The following INTU variants were observed in gnomAD, a reference collection of about 807,000 sequenced individuals.
INTU encodes protein inturned.
A neutral mutation model predicts 100.5 loss-of-function variants in INTU; 68 were observed. The observed-to-expected ratio is 0.68, with a 90% CI of 0.56 to 0.83. The LOEUF (loss-of-function observed/expected upper bound fraction) is 0.83. Ranked by LOEUF, INTU falls within the 40% of genes least tolerant of loss-of-function variation. INTU has a pLI of 0.00. For missense variants in INTU, 1,071 were observed against 1,114.7 expected, an observed-to-expected ratio of 0.96 and a Z score of 0.56; for synonymous variants, 357 against 395.7, an observed-to-expected ratio of 0.90 and a Z score of 1.16.
chr4:127,705,927 A>C, intron 11 of INTU, 115 bp downstream of exon 11: 1 of 718,170 alleles, frequency 1.4e-6, no homozygotes. Context: ...TGTCTAAATA[A>C]ATACACAAAC....
chr4:127,689,702 G>T (rs575866385), intron 8 of INTU, among the ~76,000 whole-genome samples: 1 of 151,702 alleles, frequency 6.6e-6, no homozygotes, highest in Non-Finnish European at 1.5e-5. Flanking sequence ...AGGGAAAAGG[G>T]AAGAGAAAAG....
At chr4:127,710,721 C>T (rs192398112) in intron 13 of INTU, among the ~76,000 whole-genome samples, 192 bp from the exon 14 acceptor site, 5 of 152,242 alleles carry the variant, frequency 3.3e-5, no homozygotes, top group Non-Finnish European at 5.9e-5. Flanking sequence ...GAATTAATAA[C>T]CCTAGCTTGT....
Position 127,719,793 on chromosome 4 carries a change from T to A in INTU, c.*3357T>A, listed in dbSNP as rs1731319431. The A allele has an allele frequency of 6.6e-6, 1 of 152,202 alleles. No homozygotes were observed. Among genetic ancestry groups the A allele is most frequent in the Non-Finnish European group, 1.5e-5 (1 of 68,038 alleles). 9.4% of individuals were successfully genotyped at this position (152,202 alleles called of 1,614,324 possible). The stretch of plus-strand genomic sequence containing the variant: ...ACCGAGCTGTTATAGTATTGTCTGA[T>A]GGTTGTTTATATTTCCATGGGATCA... On this transcript the variant is annotated 3_prime_UTR_variant, in exon 16 of 16. Coordinates refer to ENST00000335251, the MANE Select transcript of INTU (RefSeq NM_015693.4).
Position 127,674,130 on chromosome 4 carries a change from C to A in INTU, c.1098C>A (p.Ser366=). 1 of 1,604,544 alleles carries A rather than the reference C, an allele frequency of 6.2e-7. No individual in the cohort carries two copies. Reference sequence around the variant, plus strand: ...TGAATATATTGTTTCTTAGTTCATCCCTCCTTTTAAATGGAAAACAAATTC... The same window carrying A: ...TGAATATATTGTTTCTTAGTTCATCACTCCTTTTAAATGGAAAACAAATTC... ...NVTGTQVTSS[S]LLLNGKQIHV... is the part of the protein sequence containing the mutation. The change falls in exon 6 of 16, where the codon TCC becomes TCA. Residue 366 remains serine, a synonymous_variant. Coordinates refer to ENST00000335251, the MANE Select transcript of INTU (RefSeq NM_015693.4).
intron 8 of INTU, among the ~76,000 whole-genome samples, chr4:127,697,747 T>A (rs555983119): frequency 1.3e-5 from 2 of 152,344 alleles, no homozygotes; most frequent in South Asian, 4.1e-4. Flanking sequence ...TCTCTTGAGA[T>A]TTCTCATTGT....
At chr4:127,696,053 T>G (rs1484585658) in intron 8 of INTU, among the ~76,000 whole-genome samples, 1 of 152,188 alleles carries the variant, frequency 6.6e-6, no homozygotes, top group African/African-American at 2.4e-5. Flanking sequence ...TTGGCTGTGG[T>G]GTATATTTCT....
At chr4:127,701,713 C>G (rs1181500645) in intron 9 of INTU, among the ~76,000 whole-genome samples, 7 of 152,012 alleles carry the variant, frequency 4.6e-5, no homozygotes. Flanking sequence ...GTGATGATGG[C>G]TATACAGGAA....
intron 3 of INTU, among the ~76,000 whole-genome samples, chr4:127,657,787 T>C (rs1386020214): frequency 6.6e-6 from 1 of 151,864 alleles, no homozygotes; most frequent in Non-Finnish European, 1.5e-5. Context: ...AGATTCAGGG[T>C]TCCCACTGAT....
Position 127,705,640 on chromosome 4 carries a change from C to G in INTU, c.1616C>G (p.Ala539Gly), listed in dbSNP as rs866951923. ...CCCAAGGATGATCTTATTGATATTG[C>G]CGTATACTGTCGCCACTATTGCCTG... ...HLPKDDLIDIAVYCRHYCLLP... is the reference protein window; with the variant it reads ...HLPKDDLIDIGVYCRHYCLLP... Residue 539 changes from alanine (A) to glycine (G), a missense_variant, in exon 11 of 16, where the codon GCC (alanine) becomes GGC (glycine). Coordinates refer to ENST00000335251, the MANE Select transcript of INTU (RefSeq NM_015693.4). 1 of 1,613,818 alleles carries G rather than the reference C, an allele frequency of 6.2e-7. No homozygotes were observed. The highest frequency in any genetic ancestry group is 1.1e-5 in the South Asian group (1 of 91,086).
intron 3 of INTU, among the ~76,000 whole-genome samples, chr4:127,658,143 A>G (rs1015998344): frequency 3.9e-5 from 6 of 152,260 alleles, no homozygotes; most frequent in African/African-American, 1.4e-4. Flanking sequence ...CTGGGAAACA[A>G]GGTTTCCCTA....
intron 2 of INTU, among the ~76,000 whole-genome samples, chr4:127,651,156 C>G (rs1727850766): frequency 6.6e-6 from 1 of 151,872 alleles, no homozygotes; most frequent in Non-Finnish European, 1.5e-5. Flanking sequence ...AATTTTCTCC[C>G]ATTTTGTAGG....
intron 5 of INTU, among the ~76,000 whole-genome samples, chr4:127,673,160 A>G (rs1053619542): frequency 2.2e-4 from 33 of 152,244 alleles, no homozygotes; most frequent in African/African-American, 7.5e-4. Context: ...TGTTAAATTA[A>G]CCAACTGAGA....
chr4:127,639,540 C>T (rs868748042), intron 1 of INTU, among the ~76,000 whole-genome samples: 2 of 152,176 alleles, frequency 1.3e-5, no homozygotes, highest in Middle Eastern at 3.4e-3. Flanking sequence ...CATCCCCTTT[C>T]TTCTAATAGG....
chr4:127,680,922 A>G (rs1164913089), intron 6 of INTU, among the ~76,000 whole-genome samples: 2 of 152,142 alleles, frequency 1.3e-5, no homozygotes, highest in Admixed American at 1.3e-4. Flanking sequence ...TACAAAATCA[A>G]TGTACAAAAA....
At chr4:127,676,733 G>A (rs950863889) in intron 6 of INTU, among the ~76,000 whole-genome samples, 1 of 152,174 alleles carries the variant, frequency 6.6e-6, no homozygotes, top group Non-Finnish European at 1.5e-5. Context: ...ACTAGGGAGT[G>A]CCAGACAGTG....
At chr4:127,654,399 C>T (rs1258455814) in intron 2 of INTU, among the ~76,000 whole-genome samples, 1 of 152,114 alleles carries the variant, frequency 6.6e-6, no homozygotes, top group East Asian at 1.9e-4. Flanking sequence ...CCTTCAGGAG[C>T]TCTTTTAGGG....
chr4:127,633,166 G>A lies in INTU; in HGVS notation c.132G>A (p.Ala44=). Residue 44 remains alanine (A), a synonymous_variant, in exon 1 of 16, where the codon GCG becomes GCA. Transcript: ENST00000335251. ...GCGACTCGGGTTCATATTCCTCAGC[G>A]AGTAGCGATTATGAGTAAGGTTTTC... ...RVSDSGSYSS[A]SSDYDDLEPE... 1.9e-6 allele frequency: 3 copies of A among 1,613,620 alleles called. No individual in the cohort carries two copies. The highest frequency in any genetic ancestry group is 2.5e-6 in the Non-Finnish European group (3 of 1,179,586).
rs1349726706 is a variant in INTU, at chr4:127,722,171, T to G, written c.*5735T>G. On this transcript the variant is annotated 3_prime_UTR_variant, in exon 16 of 16. Coordinates refer to ENST00000335251, the MANE Select transcript of INTU (RefSeq NM_015693.4). ...TGTCTTTTTTGTTGATGTTGTTGCA[T>G]TCTGTTTTTCTTTAGTAGTCAGGCC... The G allele has an allele frequency of 6.6e-6, 1 of 152,430 alleles. No homozygotes were observed. The highest frequency in any genetic ancestry group is 1.5e-5 in the Non-Finnish European group (1 of 68,248). 9.4% of individuals were successfully genotyped at this position (152,430 alleles called of 1,614,324 possible).
chr4:127,641,078 A>C (rs917422942), intron 1 of INTU, among the ~76,000 whole-genome samples: 1 of 151,960 alleles, frequency 6.6e-6, no homozygotes, highest in Non-Finnish European at 1.5e-5. Context: ...AGTTTCTCAC[A>C]TATTTTTCCT....
Sources: gnomAD v4.1 joint callset for allele counts (sites outside exome capture counted in the v4.1 genomes callset) on GRCh38, gnomAD v4.1.1 for gene constraint, MANE v1.5 for transcripts, NCBI Gene and HGNC (gene_info 2026-07-23, HGNC 2026-07-21) for gene names.